Variants in ENPP2 observed in about 807,000 individuals in gnomAD.
The protein encoded by ENPP2 is ectonucleotide pyrophosphatase/phosphodiesterase 2.
A neutral mutation model predicts 120.2 loss-of-function variants in ENPP2; 51 were observed. That is an observed-to-expected ratio of 0.42 (90% CI 0.34 to 0.54). ENPP2 has a LOEUF of 0.54. Ranked by LOEUF, ENPP2 falls within the 20% of genes least tolerant of loss-of-function variation. The pLI, the probability that ENPP2 is intolerant of heterozygous loss-of-function variation, is 0.04. For missense variants in ENPP2, 920 were observed against 1,066.5 expected (o/e 0.86, Z 1.91); for synonymous variants, 365 against 366.4 (o/e 1.00, Z 0.04).
At position 119,558,539 on chromosome 8, in the gene ENPP2, T is replaced by C. The variant is rs189480522; in HGVS notation, c.2422-848A>G. On this transcript the variant is annotated intron_variant, in intron 24 of 24. Coordinates refer to ENST00000075322, the MANE Select transcript of ENPP2 (RefSeq NM_001040092.3). ...AAGTTGCAGATGAAAGACATTCAGA[T>C]GTCCTGCATCAAACAACTTATTTCA... Among the ~76,000 whole-genome samples, 188 of 152,246 alleles carry C rather than the reference T, an allele frequency of 1.2e-3. 2 individuals are homozygous for C. Among genetic ancestry groups the C allele is most frequent in the Admixed American group, 3.4e-3 (52 of 15,290 alleles).
chr8:119,581,742 ACT>A (rs1360736925), intron 18 of ENPP2, among the ~76,000 whole-genome samples: 1 of 145,874 alleles, frequency 6.9e-6, no homozygotes, highest in East Asian at 2.0e-4. Context: ...ATTCCTTTAA[ACT>A]CTCTCTTTTT....
intron 1 of ENPP2, among the ~76,000 whole-genome samples, chr8:119,658,436 A>G (rs923383279): frequency 1.2e-4 from 19 of 152,198 alleles, no homozygotes; most frequent in African/African-American, 4.6e-4. Flanking sequence ...ATGCCAGCTA[A>G]TTTTTTAATT....
At chr8:119,672,962 C>G (rs1235127881) in intron 1 of ENPP2, among the ~76,000 whole-genome samples, 2 of 152,342 alleles carry the variant, frequency 1.3e-5, no homozygotes, top group East Asian at 3.9e-4. Flanking sequence ...GCAGTCGAGC[C>G]GTGGTGAACC....
chr8:119,672,851 C>G (rs1415560536), intron 1 of ENPP2, among the ~76,000 whole-genome samples: 2 of 152,180 alleles, frequency 1.3e-5, no homozygotes, highest in Admixed American at 6.5e-5. Context: ...TGCCAAGCCC[C>G]TGTCCCACAG....
At chr8:119,635,495 T>C (rs766609061) in intron 2 of ENPP2, among the ~76,000 whole-genome samples, 13 of 152,238 alleles carry the variant, frequency 8.5e-5, no homozygotes, top group Admixed American at 1.3e-4. Context: ...ACATACACAC[T>C]GCAAGTGCAC....
chr8:119,624,263 T>C (rs893639248), intron 3 of ENPP2, among the ~76,000 whole-genome samples: 3 of 152,162 alleles, frequency 2.0e-5, no homozygotes, highest in Non-Finnish European at 4.4e-5. Context: ...AAAGGACAAG[T>C]CAGTCATCTG....
intron 11 of ENPP2, among the ~76,000 whole-genome samples, chr8:119,596,527 G>T (rs1197150217): frequency 6.6e-6 from 1 of 152,074 alleles, no homozygotes; most frequent in Non-Finnish European, 1.5e-5. Context: ...ACCTTCATTG[G>T]CAAGGATCCA....
intron 11 of ENPP2, among the ~76,000 whole-genome samples, chr8:119,600,006 C>CA (rs58150510): frequency 0.045 from 3,065 of 68,484 alleles, 126 homozygotes; most frequent in African/African-American, 0.1. Context: ...GACTCTGTCT[C>CA]AAAAAAAAAA....
intron 1 of ENPP2, among the ~76,000 whole-genome samples, chr8:119,655,687 C>G (rs1352520445): frequency 6.6e-6 from 1 of 152,174 alleles, no homozygotes. Flanking sequence ...GATTATCTTA[C>G]TGAATTCTCT....
intron 11 of ENPP2, among the ~76,000 whole-genome samples, chr8:119,594,478 A>C (rs1378994367): frequency 6.6e-6 from 1 of 152,240 alleles, no homozygotes; most frequent in Non-Finnish European, 1.5e-5. Context: ...AAGAATCTAT[A>C]AGAGTCCTAA....
At chr8:119,624,069 T>A (rs544740219) in intron 3 of ENPP2, among the ~76,000 whole-genome samples, 1 of 152,320 alleles carries the variant, frequency 6.6e-6, no homozygotes, top group Admixed American at 6.5e-5. Flanking sequence ...GTGGGGTTTT[T>A]TCAATTCAAG....
rs113433714 is a variant in ENPP2, at chr8:119,633,819, CTT to C, written c.136+4604_136+4605del. Among the ~76,000 whole-genome samples, 424 of 147,092 alleles carry C rather than the reference CTT, an allele frequency of 2.9e-3. 5 individuals are homozygous for C. Among genetic ancestry groups the C allele is most frequent in the African/African-American group, 0.01 (408 of 40,032 alleles). On this transcript the variant is annotated intron_variant, in intron 2 of 24. Coordinates refer to ENST00000075322, the MANE Select transcript of ENPP2 (RefSeq NM_001040092.3). ...CAGCTGCTAGGCCAGATTTCATAAA[CTT>C]TTTTTTTTTTAATAAAGAGGTCCAC...
intron 9 of ENPP2, among the ~76,000 whole-genome samples, chr8:119,605,634 A>ATTTT (rs11385264): frequency 3.8e-4 from 55 of 143,828 alleles, no homozygotes; most frequent in Non-Finnish European, 6.4e-4. Flanking sequence ...CTAATTTTGT[A>ATTTT]TTTTTTTTTT....
intron 2 of ENPP2, among the ~76,000 whole-genome samples, chr8:119,627,121 T>C (rs142371353): frequency 4.0e-4 from 61 of 152,230 alleles, no homozygotes; most frequent in Non-Finnish European, 7.2e-4. Context: ...AGTACCTTGA[T>C]CTATATCCTT....
Position 119,616,438 on chromosome 8 carries a change from A to G in ENPP2, c.658-54T>C, listed in dbSNP as rs1038258817. The G allele has an allele frequency of 4.4e-6, 6 of 1,358,984 alleles. No individual in the cohort carries two copies. In the African/African-American group the frequency reaches 8.6e-5, roughly 19 times the overall value. The allele number at this position is 1,358,984 out of a possible 1,614,324, so 84.2% of individuals were successfully genotyped here. A position where few individuals can be genotyped will look rare whatever the true frequency, so the allele number is the denominator to read the frequency against. ...AATAACAATACAATAATCCACATACATTAGTTCTAGTATGAATTTTCTTAG... is the reference window on the plus strand; with the variant it reads ...AATAACAATACAATAATCCACATACGTTAGTTCTAGTATGAATTTTCTTAG... On this transcript the variant is annotated intron_variant, in intron 7 of 24. Coordinates refer to ENST00000075322, the MANE Select transcript of ENPP2 (RefSeq NM_001040092.3).
chr8:119,663,920 CAA>C (rs1563781255), intron 1 of ENPP2, among the ~76,000 whole-genome samples: 1 of 152,028 alleles, frequency 6.6e-6, no homozygotes. Context: ...CCAAAATATC[CAA>C]AGTTTTGCAG....
At chr8:119,559,118 A>T (rs1419489668) in intron 24 of ENPP2, among the ~76,000 whole-genome samples, 1 of 152,112 alleles carries the variant, frequency 6.6e-6, no homozygotes, top group Non-Finnish European at 1.5e-5. Context: ...CCTAACCAAG[A>T]TCTCTGCGAT....
At chr8:119,586,378 C>G in intron 14 of ENPP2, 65 bp from the exon 15 acceptor site, 2 of 1,515,738 alleles carry the variant, frequency 1.3e-6, no homozygotes, top group Non-Finnish European at 1.8e-6. Flanking sequence ...TACAAATTCT[C>G]TCTCTAGAAA....
Position 119,616,447 on chromosome 8 carries a change from A to G in ENPP2, c.658-63T>C, listed in dbSNP as rs1012278771. ...ACAATAATCCACATACATTAGTTCT[A>G]GTATGAATTTTCTTAGCATAGAAGG... is the stretch of plus-strand genomic sequence containing the variant. On this transcript the variant is annotated intron_variant, in intron 7 of 24. Transcript: ENST00000075322. 8 of 1,283,310 alleles carry G rather than the reference A, an allele frequency of 6.2e-6. No homozygotes were observed. In the African/African-American group the frequency reaches 1.2e-4, roughly 19 times the overall value. The allele number at this position is 1,283,310 out of a possible 1,614,324, so 79.5% of individuals were successfully genotyped here.
Sources: gnomAD v4.1 joint callset for allele counts (sites outside exome capture counted in the v4.1 genomes callset) on GRCh38, gnomAD v4.1.1 for gene constraint, MANE v1.5 for transcripts, NCBI Gene and HGNC (gene_info 2026-07-23, HGNC 2026-07-21) for gene names.